AASS: variants seen among roughly 807,000 people sequenced by gnomAD.
The protein encoded by AASS is alpha-aminoadipic semialdehyde synthase, mitochondrial.
A neutral mutation model predicts 105.4 loss-of-function variants in AASS; 86 were observed. That is an observed-to-expected ratio of 0.82 (90% CI 0.69 to 0.98). The LOEUF is 0.98. Ranked by LOEUF, AASS falls within the 50% of genes least tolerant of loss-of-function variation. The pLI is 0.00. For synonymous variants in AASS, 381 were observed against 394.8 expected, an observed-to-expected ratio of 0.96 and a Z score of 0.41; for missense variants, 1,048 against 1,143.2, an observed-to-expected ratio of 0.92 and a Z score of 1.20.
At chr7:122,081,293 G>A (rs1793306913) in intron 20 of AASS, among the ~76,000 whole-genome samples, 1 of 152,120 alleles carries the variant, frequency 6.6e-6, no homozygotes, top group Non-Finnish European at 1.5e-5. Context: ...GTTGCTGCGG[G>A]AAACAGGCCT....
chr7:122,133,420 A>G lies in AASS; in HGVS notation c.210+97T>C. On this transcript the variant is annotated intron_variant, in intron 2 of 23. Transcript: ENST00000417368. ...CTTTTAATCAAAGTAAAGAAATCAA[A>G]GTGACACTAGCAAACATTTTATTTT... 7.7e-6 allele frequency: 10 copies of G among 1,299,670 alleles called. No homozygotes were observed. In the South Asian group the frequency reaches 1.2e-4, roughly 16 times the overall value. The allele number at this position is 1,299,670 out of a possible 1,614,324, so 80.5% of individuals were successfully genotyped here. A position where few individuals can be genotyped will look rare whatever the true frequency, so the allele number is the denominator to read the frequency against.
Position 122,091,717 on chromosome 7 carries a change from G to C in AASS, c.2002C>G (p.Leu668Val), listed in dbSNP as rs1009794608. 20 of 1,612,494 alleles carry C rather than the reference G, an allele frequency of 1.2e-5. No homozygotes were observed. The highest frequency in any genetic ancestry group is 1.5e-5 in the Non-Finnish European group (18 of 1,179,204). ...LMNVMQSATY[L>V]LDGKVVNVAG... ...AGATTCCTCACCTTTCCATCGAGCAGATAGGTGGCAGACTGCATTACATTC... is the reference window on the plus strand; with the variant it reads ...AGATTCCTCACCTTTCCATCGAGCACATAGGTGGCAGACTGCATTACATTC... Residue 668 changes from leucine to valine, a missense_variant, in exon 18 of 24, where the codon CTG becomes GTG. Physicochemically the swap from Leu to Val is conservative, Grantham distance 32. Transcript: ENST00000417368.
intron 19 of AASS, among the ~76,000 whole-genome samples, chr7:122,082,161 TATG>T (rs1349140839): frequency 5.3e-5 from 8 of 152,306 alleles, no homozygotes; most frequent in Non-Finnish European, 8.8e-5. Flanking sequence ...TTTTCTAAGA[TATG>T]ATGATATCAT....
intron 15 of AASS, 21 bp downstream of exon 15, chr7:122,098,429 C>A: frequency 6.2e-7 from 1 of 1,610,526 alleles, no homozygotes; most frequent in East Asian, 2.2e-5. Flanking sequence ...ATATGAAACT[C>A]ATTTCTTGCC....
chr7:122,074,843 C>T lies in AASS; in HGVS notation c.*1646G>A, dbSNP rs1792926360. Among the ~76,000 whole-genome samples, 2 of 151,816 alleles carry T rather than the reference C, an allele frequency of 1.3e-5. No individual in the cohort carries two copies. Among genetic ancestry groups the T allele is most frequent in the South Asian group, 2.1e-4 (1 of 4,766 alleles). On this transcript the variant is annotated 3_prime_UTR_variant, in exon 24 of 24. Transcript: ENST00000417368. ...TATTGGTATTTTACTCTTTCTGATG[C>T]TGTCAATTTTTTTCTTTTCTTTTTT...
chr7:122,131,704 CAAT>C (rs1377483227), intron 2 of AASS, among the ~76,000 whole-genome samples: 4 of 151,890 alleles, frequency 2.6e-5, no homozygotes, highest in African/African-American at 7.3e-5. Context: ...ATCTCAGTAA[CAAT>C]AAACATGCTT....
rs1795033703 is a variant in AASS, at chr7:122,113,607, A to G, written c.1157T>C (p.Ile386Thr). ...FCMYDADQHI[I>T]HDSVEGSGIL... ...ACTTTAGCAAACTCACCTGTCATGA[A>G]TAATATGCTGGTCTGCATCATACAT... is the stretch of plus-strand genomic sequence containing the variant. Residue 386 changes from isoleucine (I) to threonine (T), a missense_variant, in exon 10 of 24, where the codon ATT (isoleucine) becomes ACT (threonine). Transcript: ENST00000417368. 2 of 1,613,552 alleles carry G rather than the reference A, an allele frequency of 1.2e-6. No homozygotes were observed. Among genetic ancestry groups the G allele is most frequent in the African/African-American group, 2.7e-5 (2 of 74,916 alleles).
intron 11 of AASS, among the ~76,000 whole-genome samples, chr7:122,102,768 T>C (rs1794489274): frequency 1.3e-5 from 2 of 151,962 alleles, no homozygotes; most frequent in East Asian, 3.9e-4. Flanking sequence ...ACAAAGAATA[T>C]ATTATCTGGA....
intron 11 of AASS, 22 bp downstream of exon 11, chr7:122,113,096 C>T (rs202042948): frequency 1.9e-6 from 3 of 1,570,038 alleles, no homozygotes; most frequent in African/African-American, 2.7e-5. Flanking sequence ...AGAGTTGTTA[C>T]TGATATTACC....
At chr7:122,087,642 G>A (rs1310820694) in intron 18 of AASS, among the ~76,000 whole-genome samples, 1 of 152,150 alleles carries the variant, frequency 6.6e-6, no homozygotes, top group Non-Finnish European at 1.5e-5. Context: ...CAGGAGGATG[G>A]CCTGAGCCCA....
At position 122,111,397 on chromosome 7, in the gene AASS, T is replaced by G. The variant is rs552747071; in HGVS notation, c.1278+1721A>C. The stretch of plus-strand genomic sequence containing the variant: ...AAGACATTTTCAGATAAAGGACAAC[T>G]AAGAGAATCTGTCATCAGCAAACCT... On this transcript the variant is annotated intron_variant, in intron 11 of 23. Coordinates refer to ENST00000417368, the MANE Select transcript of AASS (RefSeq NM_005763.4). Among the ~76,000 whole-genome samples, 118 of 152,234 alleles carry G rather than the reference T, an allele frequency of 7.8e-4. 1 individual carries two copies. The highest frequency in any genetic ancestry group is 2.6e-3 in the African/African-American group (109 of 41,560).
chr7:122,101,604 T>C lies in AASS; in HGVS notation c.1338+17A>G. On this transcript the variant is annotated intron_variant, in intron 12 of 23. Transcript: ENST00000417368. The stretch of plus-strand genomic sequence containing the variant: ...AAAAAAATACATTTATGAAAAAATA[T>C]TCTGCTCATAACTTACATCTCTCAC... 6.2e-7 allele frequency: 1 copy of C among 1,602,550 alleles called. No homozygotes were observed. The highest frequency in any genetic ancestry group is 2.2e-5 in the East Asian group (1 of 44,692).
chr7:122,142,307 C>T (rs938774190), intron 1 of AASS, among the ~76,000 whole-genome samples: 2 of 152,136 alleles, frequency 1.3e-5, no homozygotes, highest in Non-Finnish European at 2.9e-5. Flanking sequence ...AAGAAAAAGC[C>T]TCCAGGCTTG....
rs536515707 is a variant in AASS, at chr7:122,133,676, G to A, written c.51C>T (p.Ser17=). The A allele has an allele frequency of 5.6e-6, 9 of 1,614,004 alleles. No individual in the cohort carries two copies. In the South Asian group the frequency reaches 9.9e-5, roughly 18 times the overall value. Reference sequence around the variant, plus strand: ...ACACAGCTTTGTGGTGAAGACCCTTGGAGAGGCTGACCCCCAGCCTGCCCA... The same window carrying A: ...ACACAGCTTTGTGGTGAAGACCCTTAGAGAGGCTGACCCCCAGCCTGCCCA... The part of the protein sequence containing the change: ...TGLGRLGVSL[S]KGLHHKAVLA... Residue 17 remains serine, a synonymous_variant, in exon 2 of 24, where the codon TCC becomes TCT. Transcript: ENST00000417368.
intron 1 of AASS, among the ~76,000 whole-genome samples, chr7:122,136,225 T>G (rs1796133354): frequency 6.6e-6 from 1 of 152,180 alleles, no homozygotes; most frequent in South Asian, 2.1e-4. Flanking sequence ...GACCAAACAA[T>G]TAAGCATACA....
intron 18 of AASS, among the ~76,000 whole-genome samples, chr7:122,088,639 G>A (rs1793746017): frequency 1.3e-5 from 2 of 152,132 alleles, no homozygotes; most frequent in Admixed American, 6.6e-5. Context: ...GATAGTGGTA[G>A]CTCTTGATTT....
Position 122,134,738 on chromosome 7 carries a change from C to G in AASS, c.-15-997G>C, listed in dbSNP as rs568860984. Among the ~76,000 whole-genome samples the G allele has an allele frequency of 1.8e-4, 27 of 146,998 alleles. 1 individual carries two copies. Among genetic ancestry groups the G allele is most frequent in the South Asian group, 4.5e-4 (2 of 4,476 alleles). On this transcript the variant is annotated intron_variant, in intron 1 of 23. Transcript: ENST00000417368. ...GTGGCGATTCCTCAAGGATCTAGAA[C>G]TAGAAATACCATTTGACCCAGCCAT...
chr7:122,091,023 C>T (rs1793875285), intron 18 of AASS, among the ~76,000 whole-genome samples: 1 of 151,946 alleles, frequency 6.6e-6, no homozygotes, highest in Non-Finnish European at 1.5e-5. Context: ...GGAAATTTCC[C>T]TATTAAATTA....
intron 21 of AASS, 26 bp downstream of exon 21, chr7:122,079,571 C>T: frequency 6.6e-7 from 1 of 1,506,454 alleles, no homozygotes; most frequent in Non-Finnish European, 9.2e-7. Context: ...GTATATTTTG[C>T]TCTAAGTTGA....
Sources: allele counts gnomAD v4.1 joint callset (sites outside exome capture counted in the v4.1 genomes callset), GRCh38; gene constraint gnomAD v4.1.1; transcripts MANE v1.5; gene names NCBI Gene and HGNC (gene_info 2026-07-23, HGNC 2026-07-21).